Variants in PDE12 observed in about 807,000 individuals in gnomAD.
PDE12 encodes the protein phosphodiesterase 12, also known as 2',5'-phosphodiesterase 12.
Under a neutral mutation model 45.4 loss-of-function variants are expected in PDE12, and 26 were observed. The observed-to-expected ratio is 0.57, with a 90% CI of 0.42 to 0.79. The LOEUF (loss-of-function observed/expected upper bound fraction) is 0.79, where lower values mean the gene tolerates loss of function less well. Ranked by LOEUF, PDE12 falls within the 30% of genes least tolerant of loss-of-function variation. The pLI, the probability that PDE12 is intolerant of heterozygous loss-of-function variation, is 0.00. For missense variants in PDE12, 668 were observed against 790.0 expected (o/e 0.85, Z 1.85); for synonymous variants, 283 against 323.9 (o/e 0.87, Z 1.36).
At chr3:57,612,580 G>A in the PDE12 span, among the ~76,000 whole-genome samples, 1 of 152,024 alleles carries the variant, frequency 6.6e-6, no homozygotes, top group Non-Finnish European at 1.5e-5. Context: ...AGACCATCCT[G>A]ACCAACATGG....
chr3:57,580,534 T>C, the PDE12 span, among the ~76,000 whole-genome samples: 10 of 152,064 alleles, frequency 6.6e-5, no homozygotes, highest in African/African-American at 2.4e-4. Flanking sequence ...CTCAAGTAGC[T>C]GGGACTACAG....
In PDE12 at chr3:57,557,464, T is replaced by G. The variant is rs974618844; in HGVS notation, c.1085T>G (p.Val362Gly). ...CGCGCAGTGTTTTCTGACAGCTTGGTACCCGCCCTAGAGGCCTTCGGGCTC... is the reference window on the plus strand; with the variant it reads ...CGCGCAGTGTTTTCTGACAGCTTGGGACCCGCCCTAGAGGCCTTCGGGCTC... ...VDRAVFSDSL[V>G]PALEAFGLEG... The change falls in exon 1 of 3, where the codon GTA becomes GGA. Residue 362 changes from valine (V) to glycine (G), a missense_variant. Coordinates refer to ENST00000311180, the MANE Select transcript of PDE12 (RefSeq NM_177966.7). 7.4e-6 allele frequency: 12 copies of G among 1,614,046 alleles called. No homozygotes were observed. The highest frequency in any genetic ancestry group is 1.0e-5 in the Non-Finnish European group (12 of 1,180,026).
chr3:57,602,224 C>T, the PDE12 span, among the ~76,000 whole-genome samples: 3 of 152,124 alleles, frequency 2.0e-5, no homozygotes, highest in Admixed American at 6.6e-5. Flanking sequence ...TTGTTCTCTG[C>T]GAGACTGATT....
At chr3:57,629,500 C>T in the PDE12 span, among the ~76,000 whole-genome samples, 5 of 146,436 alleles carry the variant, frequency 3.4e-5, no homozygotes, top group Admixed American at 1.4e-4. Flanking sequence ...AAAAAAAAAT[C>T]AGTCCGCTTT....
At chr3:57,635,690 T>C in the PDE12 span, among the ~76,000 whole-genome samples, 1 of 152,180 alleles carries the variant, frequency 6.6e-6, no homozygotes, top group East Asian at 1.9e-4. Context: ...ACAAGGAACA[T>C]TTTCCTTTGC....
At chr3:57,635,661 T>TG in the PDE12 span, among the ~76,000 whole-genome samples, 3 of 152,306 alleles carry the variant, frequency 2.0e-5, no homozygotes, top group African/African-American at 7.2e-5. Context: ...GTGGTATATC[T>TG]GGGGGTGAGA....
chr3:57,603,652 C>T, the PDE12 span, among the ~76,000 whole-genome samples: 8 of 141,004 alleles, frequency 5.7e-5, no homozygotes, highest in South Asian at 2.2e-4. Context: ...GATGAAGTTT[C>T]GCTCTTATTG....
chr3:57,649,605 C>T, the PDE12 span, among the ~76,000 whole-genome samples: 1 of 150,358 alleles, frequency 6.7e-6, no homozygotes, highest in Admixed American at 6.6e-5. Flanking sequence ...ATGGAACAAG[C>T]CCAAATGCCC....
At chr3:57,570,668 T>C (rs1267508532), downstream of PDE12, among the ~76,000 whole-genome samples, 5 of 152,316 alleles carry the variant, frequency 3.3e-5, no homozygotes, top group African/African-American at 1.2e-4. Context: ...TACTCAGTTA[T>C]CAAGTTGAGC....
the PDE12 span, among the ~76,000 whole-genome samples, chr3:57,655,276 G>A: frequency 1.2e-4 from 18 of 152,172 alleles, no homozygotes; most frequent in South Asian, 2.3e-3. Flanking sequence ...CTCATGATCC[G>A]CCCGCCTCGG....
the PDE12 span, among the ~76,000 whole-genome samples, chr3:57,635,478 C>A: frequency 1.3e-5 from 2 of 152,062 alleles, no homozygotes; most frequent in African/African-American, 4.8e-5. Context: ...ATGAACAAAC[C>A]TAATTTCAAA....
chr3:57,601,996 C>G, the PDE12 span, among the ~76,000 whole-genome samples: 2 of 151,586 alleles, frequency 1.3e-5, no homozygotes, highest in African/African-American at 4.9e-5. Flanking sequence ...CTCAAGTGAT[C>G]TGCCCACCTC....
the PDE12 span, among the ~76,000 whole-genome samples, chr3:57,602,727 C>T: frequency 3.3e-5 from 5 of 152,174 alleles, no homozygotes; most frequent in South Asian, 4.1e-4. Flanking sequence ...TGCGCCACTA[C>T]GCCTGGCTAG....
chr3:57,558,488 CTAT>C (rs10662542), intron 1 of PDE12, among the ~76,000 whole-genome samples: 21,319 of 151,190 alleles, frequency 0.14, 1,567 homozygotes, highest in South Asian at 0.21. Context: ...ATATATTGGA[CTAT>C]TATTATTATT....
the PDE12 span, among the ~76,000 whole-genome samples, chr3:57,617,417 A>C: frequency 6.6e-6 from 1 of 152,108 alleles, no homozygotes; most frequent in Admixed American, 6.5e-5. Flanking sequence ...AAAAGTAGTA[A>C]AAATAGAACT....
At chr3:57,592,404 C>T in the PDE12 span, among the ~76,000 whole-genome samples, 2 of 152,052 alleles carry the variant, frequency 1.3e-5, no homozygotes, top group African/African-American at 4.8e-5. Context: ...AGAAGGATTG[C>T]TTGAACCCAG....
the PDE12 span, among the ~76,000 whole-genome samples, chr3:57,604,068 C>T: frequency 1.8e-4 from 27 of 151,920 alleles, no homozygotes; most frequent in African/African-American, 5.3e-4. Flanking sequence ...AGATTACAGG[C>T]GCCTGCCACC....
the PDE12 span, among the ~76,000 whole-genome samples, chr3:57,614,544 G>GTTTTTT: frequency 6.6e-5 from 8 of 121,312 alleles, no homozygotes; most frequent in African/African-American, 1.3e-4. Flanking sequence ...TTTGTTTTTT[G>GTTTTTT]TTTTTTTTTT....
At chr3:57,592,683 T>A in the PDE12 span, among the ~76,000 whole-genome samples, 1 of 152,114 alleles carries the variant, frequency 6.6e-6, no homozygotes, top group South Asian at 2.1e-4. Flanking sequence ...TGCAAAAGGG[T>A]GCATCTAAGG....
Sources: gnomAD v4.1 joint callset for allele counts (sites outside exome capture counted in the v4.1 genomes callset) on GRCh38, gnomAD v4.1.1 for gene constraint, MANE v1.5 for transcripts, NCBI Gene and HGNC (gene_info 2026-07-23, HGNC 2026-07-21) for gene names.